CCDC50: variants seen among roughly 807,000 people sequenced by gnomAD.
CCDC50 encodes the protein coiled-coil domain containing 50.
CCDC50 carries 54 observed loss-of-function variants against 70.2 expected under a neutral mutation model. The ratio of observed to expected loss-of-function variants is 0.77; its 90% CI spans 0.62 to 0.96. The LOEUF is 0.96. Among genes scored for constraint, CCDC50 ranks in the 50% least tolerant of loss-of-function variants. The pLI is 0.00. For missense variants in CCDC50, 558 were observed against 578.7 expected (o/e 0.96, Z 0.37); for synonymous variants, 216 against 198.8 (o/e 1.09, Z -0.73).
intron 9 of CCDC50, among the ~76,000 whole-genome samples, chr3:191,381,780 G>GT (rs1241064149): frequency 1.3e-5 from 2 of 152,070 alleles, no homozygotes; most frequent in Admixed American, 1.3e-4. Context: ...CCTAGGTTGT[G>GT]TATTCCTTAC....
intron 7 of CCDC50, 133 bp from the exon 8 acceptor site, chr3:191,380,554 A>T: frequency 1.1e-6 from 1 of 879,214 alleles, no homozygotes; most frequent in South Asian, 1.4e-5. Flanking sequence ...GTGAAAGCAT[A>T]CCAACTGATT....
Position 191,370,010 on chromosome 3 carries a change from C to A in CCDC50, c.422C>A (p.Ala141Glu). ...FPEFPATRAY[A>E]DSYYYEDGDQ... ...GAGTTCCCTGCAACCCGTGCTTATGCAGATAGTTACTATTATGAAGATGGA... is the reference window on the plus strand; with the variant it reads ...GAGTTCCCTGCAACCCGTGCTTATGAAGATAGTTACTATTATGAAGATGGA... The change falls in exon 5 of 12, where the codon GCA (alanine) becomes GAA (glutamate). Residue 141 changes from alanine to glutamate, a missense_variant. Transcript: ENST00000392455. The A allele has an allele frequency of 1.2e-6, 2 of 1,610,076 alleles. No individual in the cohort carries two copies. The highest frequency in any genetic ancestry group is 1.7e-6 in the Non-Finnish European group (2 of 1,176,634).
intron 4 of CCDC50, among the ~76,000 whole-genome samples, chr3:191,369,712 T>TA (rs1712829305): frequency 6.6e-6 from 1 of 152,130 alleles, no homozygotes; most frequent in South Asian, 2.1e-4. Context: ...AAATCTCAAT[T>TA]AAAAAAGCCT....
intron 6 of CCDC50, among the ~76,000 whole-genome samples, chr3:191,377,710 C>A (rs1202669401): frequency 6.6e-6 from 1 of 152,104 alleles, no homozygotes; most frequent in Non-Finnish European, 1.5e-5. Flanking sequence ...ATAAATTTAT[C>A]TTGACTGTCA....
chr3:191,351,025 G>C (rs1364207236), intron 1 of CCDC50, among the ~76,000 whole-genome samples: 1 of 140,430 alleles, frequency 7.1e-6, no homozygotes, highest in Non-Finnish European at 1.6e-5. Context: ...TTGGGAGGGG[G>C]CACTTCTCTT....
chr3:191,377,743 G>A (rs1260486642), intron 6 of CCDC50, among the ~76,000 whole-genome samples: 1 of 152,092 alleles, frequency 6.6e-6, no homozygotes, highest in Non-Finnish European at 1.5e-5. Context: ...ATTTTATTCT[G>A]TAAATTTATT....
chr3:191,367,566 A>G (rs1712739281), intron 4 of CCDC50, among the ~76,000 whole-genome samples: 1 of 152,170 alleles, frequency 6.6e-6, no homozygotes, highest in African/African-American at 2.4e-5. Context: ...GGAGAACTTC[A>G]ATTCTTTATC....
At chr3:191,346,537 A>G (rs1290361596) in intron 1 of CCDC50, among the ~76,000 whole-genome samples, 1 of 152,210 alleles carries the variant, frequency 6.6e-6, no homozygotes, top group African/African-American at 2.4e-5. Flanking sequence ...TAACCTGTGC[A>G]TTAACCCGTA....
rs190676670 is a variant in CCDC50 at position 191,368,358 on chromosome 3, G to A, written c.331-1561G>A. ...GCTCACTTAAGTGTCTGAAACTATT[G>A]CATGGACATTTACATAGATTACTTA... On this transcript the variant is annotated intron_variant, in intron 4 of 11. Coordinates refer to ENST00000392455, the MANE Select transcript of CCDC50 (RefSeq NM_178335.3). 5.9e-5 allele frequency among the ~76,000 whole-genome samples: 9 copies of A among 152,016 alleles called. No individual in the cohort carries two copies. In the East Asian group the frequency reaches 1.7e-3, roughly 29 times the overall value.
chr3:191,389,444 G>GT, intron 10 of CCDC50, 52 bp from the exon 11 acceptor site: 1 of 1,420,398 alleles, frequency 7.0e-7, no homozygotes, highest in South Asian at 1.1e-5. Flanking sequence ...GAGGGGTGGA[G>GT]TTGTAGTAAG....
chr3:191,377,827 C>G (rs1421854917), intron 6 of CCDC50, among the ~76,000 whole-genome samples: 2 of 152,034 alleles, frequency 1.3e-5, no homozygotes, highest in African/African-American at 4.8e-5. Context: ...CAGAAAAAGA[C>G]AAGGAAATGT....
intron 1 of CCDC50, among the ~76,000 whole-genome samples, chr3:191,343,608 G>C (rs1711809452): frequency 6.6e-6 from 1 of 152,128 alleles, no homozygotes; most frequent in South Asian, 2.1e-4. Flanking sequence ...ATATATTCCT[G>C]AATTGTTCTA....
At chr3:191,356,686 CTAAT>C (rs1343226379) in intron 1 of CCDC50, among the ~76,000 whole-genome samples, 1 of 152,194 alleles carries the variant, frequency 6.6e-6, no homozygotes, top group Non-Finnish European at 1.5e-5. Context: ...TTTAACACCT[CTAAT>C]TATGCAGTAA....
intron 1 of CCDC50, among the ~76,000 whole-genome samples, chr3:191,336,498 C>T (rs1425877806): frequency 6.6e-6 from 1 of 151,972 alleles, no homozygotes; most frequent in African/African-American, 2.4e-5. Flanking sequence ...TAAATTTTAG[C>T]TCATTTTAAA....
At position 191,367,303 on chromosome 3, in the gene CCDC50, A is replaced by G. The variant is rs915283688; in HGVS notation, c.331-2616A>G. On this transcript the variant is annotated intron_variant, in intron 4 of 11. Transcript: ENST00000392455. ...GAGAGTGGCGTATTACTATGCTTCC[A>G]TTAGGACTAAATTCAGTAGCAAGAG... is the stretch of plus-strand genomic sequence containing the variant. Among the ~76,000 whole-genome samples the G allele has an allele frequency of 3.3e-5, 5 of 152,100 alleles. No homozygotes were observed. The South Asian group carries it at 8.3e-4, about 25-fold the overall frequency.
chr3:191,365,925 G>A (rs540335382), intron 4 of CCDC50, among the ~76,000 whole-genome samples: 2 of 152,140 alleles, frequency 1.3e-5, no homozygotes, highest in African/African-American at 4.8e-5. Flanking sequence ...TTTTCTTTGA[G>A]CATCATGTCT....
chr3:191,342,895 T>C (rs1236147682), intron 1 of CCDC50, among the ~76,000 whole-genome samples: 1 of 152,246 alleles, frequency 6.6e-6, no homozygotes, highest in Non-Finnish European at 1.5e-5. Context: ...ATCAGTGGCC[T>C]GTTTTTTTCG....
At chr3:191,368,335 T>C (rs912945960) in intron 4 of CCDC50, among the ~76,000 whole-genome samples, 2 of 152,104 alleles carry the variant, frequency 1.3e-5, no homozygotes, top group African/African-American at 2.4e-5. Flanking sequence ...TTGTGAGTGC[T>C]CACTTAAGTG....
intron 11 of CCDC50, among the ~76,000 whole-genome samples, chr3:191,390,247 T>A (rs1311767939): frequency 6.6e-6 from 1 of 152,104 alleles, no homozygotes; most frequent in Non-Finnish European, 1.5e-5. Context: ...CCCATGACTC[T>A]TATTAATTAG....
Sources: allele counts gnomAD v4.1 joint callset (sites outside exome capture counted in the v4.1 genomes callset), GRCh38; gene constraint gnomAD v4.1.1; transcripts MANE v1.5; gene names NCBI Gene and HGNC (gene_info 2026-07-23, HGNC 2026-07-21).